Variants in LMNA observed in about 807,000 individuals in gnomAD.
The protein encoded by LMNA is lamin A/C, also known as lamin.
In LMNA, 20 loss-of-function variants were observed where a neutral mutation model predicts 70.4. The observed-to-expected ratio is 0.28, with a 90% CI of 0.20 to 0.41. The LOEUF (loss-of-function observed/expected upper bound fraction) is 0.41. Among genes scored for constraint, LMNA ranks in the 10% least tolerant of loss-of-function variants. LMNA has a pLI of 1.00. For missense variants in LMNA, 652 were observed against 917.2 expected (o/e 0.71, Z 3.73); for synonymous variants, 339 against 372.8 (o/e 0.91, Z 1.04).
intron 3 of LMNA, among the ~76,000 whole-genome samples, chr1:156,101,928 G>A (rs907378841): frequency 6.6e-6 from 1 of 152,172 alleles, no homozygotes; most frequent in Non-Finnish European, 1.5e-5. Flanking sequence ...TGTGTTGGGA[G>A]ACATGAACTC....
chr1:156,094,988 G>A (rs540604868), intron 3 of LMNA, among the ~76,000 whole-genome samples: 4 of 149,418 alleles, frequency 2.7e-5, no homozygotes, highest in South Asian at 2.1e-4. Context: ...GTACAGTGGC[G>A]TGCACTCACT....
At chr1:156,105,054 T>C (rs6661281) in intron 3 of LMNA, among the ~76,000 whole-genome samples, 78,975 of 151,968 alleles carry the variant, frequency 0.52, 22,847 homozygotes, top group East Asian at 0.79. Context: ...ACCCCTCTCA[T>C]CCTCCTCCCC....
In LMNA at chr1:156,137,274, C is replaced by G. The variant is rs1651743646; in HGVS notation, c.1608+42C>G. 6.5e-7 allele frequency: 1 copy of G among 1,541,440 alleles called. No homozygotes were observed. Among genetic ancestry groups the G allele is most frequent in the African/African-American group, 1.4e-5 (1 of 73,182 alleles). On this transcript the variant is annotated intron_variant, in intron 9 of 11. Coordinates refer to ENST00000368300, the MANE Select transcript of LMNA (RefSeq NM_170707.4). This position sits in a 1 kb window ranked among gnomAD's most constrained non-coding sequence, Gnocchi z 4.6. ...CTGGCTGCTTGCTGGACGAGGCTCC[C>G]CCTGATGGCCAACATCGGAGCCAGC...
rs911568234 is a variant in LMNA, at chr1:156,103,597, T to G, written c.-206-11116T>G. 1.3e-5 allele frequency among the ~76,000 whole-genome samples: 2 copies of G among 152,058 alleles called. No individual in the cohort carries two copies. Among genetic ancestry groups the G allele is most frequent in the Non-Finnish European group, 2.9e-5 (2 of 67,968 alleles). On this transcript the variant is annotated intron_variant, in intron 3 of 12. Coordinates refer to the LMNA transcript ENST00000368301. The surrounding 1 kb of genome is among the most constrained non-coding windows in gnomAD (Gnocchi z 4.7). ...CTAGCCAACCCCTCCTTGCAAGCCC[T>G]CATTCGGGCGGGGAGAAGGAAGGGG...
intron 1 of LMNA, among the ~76,000 whole-genome samples, chr1:156,118,403 G>A (rs1452967432): frequency 2.6e-5 from 4 of 152,184 alleles, no homozygotes; most frequent in African/African-American, 4.8e-5. Context: ...GACACCAGGC[G>A]GGTATGTGCG....
At chr1:156,086,153 T>C (rs1023392700) in intron 2 of LMNA, among the ~76,000 whole-genome samples, 7 of 152,254 alleles carry the variant, frequency 4.6e-5, no homozygotes, top group Non-Finnish European at 1.0e-4. Context: ...CCCCTTGTGG[T>C]TGACTTTAGC....
At chr1:156,133,525 C>T (rs1199906501) in intron 2 of LMNA, among the ~76,000 whole-genome samples, 5 of 151,662 alleles carry the variant, frequency 3.3e-5, no homozygotes, top group Non-Finnish European at 7.4e-5. Flanking sequence ...GAGCTGAGAT[C>T]GCGCCACTGC....
At chr1:156,095,540 A>G (rs1391573527) in intron 3 of LMNA, among the ~76,000 whole-genome samples, 1 of 148,406 alleles carries the variant, frequency 6.7e-6, no homozygotes, top group Non-Finnish European at 1.5e-5. Flanking sequence ...TATTTTTAGT[A>G]GAGACGGGGT....
At chr1:156,084,101 G>T (rs915052315) in intron 2 of LMNA, among the ~76,000 whole-genome samples, 1 of 152,142 alleles carries the variant, frequency 6.6e-6, no homozygotes, top group Admixed American at 6.5e-5. Context: ...AGCCACAGTG[G>T]TAAGGTGTCC....
At chr1:156,105,485 A>C (rs1313139303) in intron 3 of LMNA, among the ~76,000 whole-genome samples, 1 of 151,958 alleles carries the variant, frequency 6.6e-6, no homozygotes, top group Non-Finnish European at 1.5e-5. Flanking sequence ...TCTCCTGCAG[A>C]TTCACCACCA....
chr1:156,107,680 T>A (rs1278123171), intron 3 of LMNA, among the ~76,000 whole-genome samples: 1 of 152,162 alleles, frequency 6.6e-6, no homozygotes, highest in African/African-American at 2.4e-5. Context: ...AAGGGCCCGC[T>A]TCTCACCCGG....
chr1:156,135,996 GA>G lies in LMNA; in HGVS notation c.1033del (p.Met345TrpfsTer135). The G allele has an allele frequency of 6.2e-7, 1 of 1,614,136 alleles. No individual in the cohort carries two copies. The highest frequency in any genetic ancestry group is 8.5e-7 in the Non-Finnish European group (1 of 1,180,038). ...GGCTGCTGGCGGAAAAGGAGCGGGA[GA>G]TGGCCGAGATGCGGGCAAGGATGCA... ...RRLLAEKERE[M>X]AEMRARMQQQ... On this transcript the variant is annotated frameshift_variant, in exon 6 of 12. Transcript: ENST00000368300. LOFTEE classifies it high-confidence loss of function. This position sits in a 1 kb window ranked among gnomAD's most constrained non-coding sequence, Gnocchi z 4.8.
chr1:156,083,218 G>A (rs1648337695), intron 2 of LMNA: 1 of 152,540 alleles, frequency 6.6e-6, no homozygotes, highest in South Asian at 2.1e-4. Context: ...CTCGGTGGAG[G>A]GGGTCGGGAG....
At chr1:156,121,628 G>A (rs1206786106) in intron 1 of LMNA, among the ~76,000 whole-genome samples, 2 of 152,018 alleles carry the variant, frequency 1.3e-5, no homozygotes, top group Admixed American at 1.3e-4. Context: ...ACAACTGGTA[G>A]ATCCCTTCAC....
chr1:156,136,415 G>T lies in LMNA; in HGVS notation c.1359G>T (p.Arg453=), dbSNP rs1321318572. Reference sequence around the variant, plus strand: ...TGGATGAGGAGGGCAAGTTTGTCCGGCTGCGCAACAAGTCCAATGAGGTAG... The same window carrying T: ...TGGATGAGGAGGGCAAGTTTGTCCGTCTGCGCAACAAGTCCAATGAGGTAG... ...EEVDEEGKFV[R]LRNKSNEDQS... Residue 453 remains arginine (R), a synonymous_variant, in exon 7 of 12, where the codon CGG becomes CGT. Coordinates refer to ENST00000368300, the MANE Select transcript of LMNA (RefSeq NM_170707.4). This position sits in a 1 kb window ranked among gnomAD's most constrained non-coding sequence, Gnocchi z 6.1. The T allele has an allele frequency of 6.3e-7, 1 of 1,592,216 alleles. No homozygotes were observed. Among genetic ancestry groups the T allele is most frequent in the Non-Finnish European group, 8.5e-7 (1 of 1,170,044 alleles).
intron 1 of LMNA, among the ~76,000 whole-genome samples, chr1:156,117,182 G>A (rs1188327063): frequency 6.8e-6 from 1 of 146,734 alleles, no homozygotes. Flanking sequence ...CACCTGCCTC[G>A]GCCTCCCAAA....
intron 1 of LMNA, among the ~76,000 whole-genome samples, chr1:156,118,748 G>A (rs1004740119): frequency 1.3e-5 from 2 of 152,184 alleles, no homozygotes; most frequent in Non-Finnish European, 2.9e-5. Context: ...AGCCTAGAGA[G>A]AAGGTGTTGT....
Position 156,130,609 on chromosome 1 carries a change from T to C in LMNA, c.357-8T>C, listed in dbSNP as rs1053291240. On this transcript the variant is annotated splice_region_variant and splice_polypyrimidine_tract_variant and intron_variant, in intron 1 of 11. Transcript: ENST00000368300. ...TCTCTTAAATCTACTCTCCCCTCTC[T>C]TCTTTAGCAATACCAAGAAGGAGGG... 10 of 1,613,782 alleles carry C rather than the reference T, an allele frequency of 6.2e-6. No individual in the cohort carries two copies. The African/African-American group carries it at 1.3e-4, about 22-fold the overall frequency.
At chr1:156,104,402 G>A (rs1211208360) in intron 3 of LMNA, among the ~76,000 whole-genome samples, 1 of 152,164 alleles carries the variant, frequency 6.6e-6, no homozygotes. Flanking sequence ...GTCAGCCGAG[G>A]TAGTTGCCCC....
Sources: allele counts gnomAD v4.1 joint callset (sites outside exome capture counted in the v4.1 genomes callset), GRCh38; gene constraint gnomAD v4.1.1; non-coding constraint Gnocchi (gnomAD v3.1); transcripts MANE v1.5; gene names NCBI Gene and HGNC (gene_info 2026-07-23, HGNC 2026-07-21).